The following CFDP1 variants were observed in gnomAD, a reference collection of about 807,000 sequenced individuals.
CFDP1 encodes the protein chromatin remodeling protein CFDP1.
A neutral mutation model predicts 40.1 loss-of-function variants in CFDP1; 31 were observed. The observed-to-expected ratio is 0.77, with a 90% CI of 0.58 to 1.04. CFDP1 has a LOEUF of 1.04. CFDP1 is among the 50% of genes least tolerant of loss of function. The pLI, the probability that CFDP1 is intolerant of heterozygous loss-of-function variation, is 0.00. For missense variants in CFDP1, 423 were observed against 343.4 expected (o/e 1.23, Z -1.83); for synonymous variants, 167 against 120.0 (o/e 1.39, Z -2.56).
chr16:75,332,970 G>T (rs2151515969), intron 5 of CFDP1, among the ~76,000 whole-genome samples: 1 of 151,332 alleles, frequency 6.6e-6, no homozygotes, highest in African/African-American at 2.4e-5. Flanking sequence ...ACCATGCCCG[G>T]CTAATTTTTG....
chr16:75,411,726 T>C, intron 4 of CFDP1, 99 bp downstream of exon 4: 1 of 1,222,864 alleles, frequency 8.2e-7, no homozygotes, highest in Non-Finnish European at 1.2e-6. Flanking sequence ...TCCCAAAATA[T>C]TATGATGGAT....
intron 5 of CFDP1, among the ~76,000 whole-genome samples, chr16:75,367,285 A>G (rs188888015): frequency 4.6e-5 from 7 of 152,118 alleles, no homozygotes; most frequent in Non-Finnish European, 1.0e-4. Flanking sequence ...CAATAGAAAA[A>G]TTTAGGGAGA....
Position 75,396,153 on chromosome 16 carries a change from G to A in CFDP1, c.531-944C>T, listed in dbSNP as rs1056032224. 1.9e-5 allele frequency among the ~76,000 whole-genome samples: 2 copies of A among 103,346 alleles called. 1 individual carries two copies. The highest frequency in any genetic ancestry group is 5.8e-5 in the African/African-American group (2 of 34,628). 67.8% of individuals were successfully genotyped at this position (103,346 alleles called of 152,430 possible). The stretch of plus-strand genomic sequence containing the variant: ...AGCACTCAGCCTTGAAAGCTGAGAT[G>A]GGGAGATGGAATACTGGGAATATAG... On this transcript the variant is annotated intron_variant, in intron 4 of 6. Transcript: ENST00000283882.
At chr16:75,346,865 T>C (rs1444449895) in intron 5 of CFDP1, among the ~76,000 whole-genome samples, 1 of 152,034 alleles carries the variant, frequency 6.6e-6, no homozygotes, top group African/African-American at 2.4e-5. Flanking sequence ...TCAACAGGAC[T>C]TGCCCACCCC....
At chr16:75,352,849 A>G (rs1253035363) in intron 5 of CFDP1, among the ~76,000 whole-genome samples, 1 of 152,178 alleles carries the variant, frequency 6.6e-6, no homozygotes, top group African/African-American at 2.4e-5. Flanking sequence ...CTAGCATCAC[A>G]AAAAAAGAAA....
chr16:75,352,004 T>G, intron 5 of CFDP1, among the ~76,000 whole-genome samples: 1 of 51,750 alleles, frequency 1.9e-5, no homozygotes, highest in South Asian at 8.8e-4. Flanking sequence ...TGAGACTCTG[T>G]CTCAAAAAAA....
In CFDP1 at chr16:75,414,706, A is replaced by G. The variant is rs774475176; in HGVS notation, c.65-11T>C. On this transcript the variant is annotated splice_polypyrimidine_tract_variant and intron_variant, in intron 1 of 6. Coordinates refer to ENST00000283882, the MANE Select transcript of CFDP1 (RefSeq NM_006324.3). The stretch of plus-strand genomic sequence containing the variant: ...CACTATACTCTCCACCTGAAATCAC[A>G]TAACAGGGTGATCAGACAGGAATAA... The G allele has an allele frequency of 1.8e-5, 27 of 1,526,842 alleles. No homozygotes were observed. The highest frequency in any genetic ancestry group is 1.4e-5 in the African/African-American group (1 of 73,080). 94.6% of individuals were successfully genotyped at this position (1,526,842 alleles called of 1,614,324 possible). A position where few individuals can be genotyped will look rare whatever the true frequency, so the allele number is the denominator to read the frequency against.
intron 5 of CFDP1, among the ~76,000 whole-genome samples, chr16:75,350,076 T>C (rs1436148736): frequency 6.6e-6 from 1 of 152,178 alleles, no homozygotes; most frequent in Non-Finnish European, 1.5e-5. Flanking sequence ...TTGCTAAGTG[T>C]ACTCTGTTCT....
At chr16:75,389,773 A>G (rs1310249982) in intron 5 of CFDP1, among the ~76,000 whole-genome samples, 1 of 152,224 alleles carries the variant, frequency 6.6e-6, no homozygotes, top group East Asian at 1.9e-4. Context: ...ATACTCTGCA[A>G]ATGGAGTCTG....
intron 1 of CFDP1, among the ~76,000 whole-genome samples, chr16:75,424,760 A>AC (rs2079317587): frequency 6.6e-6 from 1 of 151,614 alleles, no homozygotes; most frequent in Non-Finnish European, 1.5e-5. Context: ...CGTCTCAAAA[A>AC]AAAAAAAAAA....
At chr16:75,396,590 T>A (rs1304515038) in intron 4 of CFDP1, among the ~76,000 whole-genome samples, 1 of 103,146 alleles carries the variant, frequency 9.7e-6, no homozygotes, top group African/African-American at 2.9e-5. Context: ...CTGTTTTATA[T>A]CCAAAACAAC....
chr16:75,390,880 C>G (rs1336660961), intron 5 of CFDP1, among the ~76,000 whole-genome samples: 1 of 152,174 alleles, frequency 6.6e-6, no homozygotes, highest in African/African-American at 2.4e-5. Flanking sequence ...ATTACCAGCC[C>G]CAGGGAGGCC....
At chr16:75,338,112 G>C (rs893994759) in intron 5 of CFDP1, among the ~76,000 whole-genome samples, 2 of 152,120 alleles carry the variant, frequency 1.3e-5, no homozygotes, top group East Asian at 3.9e-4. Flanking sequence ...ACCCTTCTTA[G>C]CTTGGATACT....
chr16:75,313,489 C>T (rs1354561791), intron 5 of CFDP1, among the ~76,000 whole-genome samples: 2 of 152,202 alleles, frequency 1.3e-5, no homozygotes, highest in Admixed American at 1.3e-4. Flanking sequence ...CCACCACACC[C>T]AGCTAATTTA....
chr16:75,395,815 A>C (rs1014274619), intron 4 of CFDP1, among the ~76,000 whole-genome samples: 10 of 152,148 alleles, frequency 6.6e-5, no homozygotes, highest in African/African-American at 2.4e-4. Context: ...GGACGAAAGC[A>C]ACATGACTGA....
intron 1 of CFDP1, among the ~76,000 whole-genome samples, chr16:75,431,703 C>T (rs894345433): frequency 1.3e-5 from 2 of 152,116 alleles, no homozygotes; most frequent in South Asian, 4.1e-4. Context: ...CGGCAGACTA[C>T]GGAGTTGGGG....
rs765466297 is a variant in CFDP1, at chr16:75,414,717, A to C, written c.65-22T>G. On this transcript the variant is annotated intron_variant, in intron 1 of 6. Coordinates refer to ENST00000283882, the MANE Select transcript of CFDP1 (RefSeq NM_006324.3). ...CCACCTGAAATCACATAACAGGGTG[A>C]TCAGACAGGAATAAAGGTTTTCACA... is the stretch of plus-strand genomic sequence containing the variant. The C allele has an allele frequency of 4.1e-6, 6 of 1,467,042 alleles. No homozygotes were observed. In the African/African-American group the frequency reaches 7.0e-5, roughly 17 times the overall value. 90.9% of individuals were successfully genotyped at this position (1,467,042 alleles called of 1,614,324 possible).
At chr16:75,388,896 T>C (rs1025307740) in intron 5 of CFDP1, among the ~76,000 whole-genome samples, 1 of 150,154 alleles carries the variant, frequency 6.7e-6, no homozygotes, top group Admixed American at 6.8e-5. Flanking sequence ...ACCTATGATG[T>C]TGTTTGATAC....
intron 4 of CFDP1, among the ~76,000 whole-genome samples, chr16:75,407,400 G>C (rs1372348415): frequency 1.3e-5 from 2 of 152,012 alleles, no homozygotes; most frequent in Admixed American, 6.6e-5. Context: ...CACATGGCTG[G>C]GTGTGGTGGC....
Sources: gnomAD v4.1 joint callset for allele counts (sites outside exome capture counted in the v4.1 genomes callset) on GRCh38, gnomAD v4.1.1 for gene constraint, MANE v1.5 for transcripts, NCBI Gene and HGNC (gene_info 2026-07-23, HGNC 2026-07-21) for gene names.